The following ZFHX3 variants were observed in gnomAD, a reference collection of about 807,000 sequenced individuals.
ZFHX3 encodes the protein zinc finger homeobox protein 3.
A neutral mutation model predicts 279.1 loss-of-function variants in ZFHX3; 42 were observed. The observed-to-expected ratio is 0.15, with a 90% CI of 0.12 to 0.19. ZFHX3 has a LOEUF of 0.19. Among genes scored for constraint, ZFHX3 ranks in the 10% least tolerant of loss-of-function variants. The pLI, the probability that ZFHX3 is intolerant of heterozygous loss-of-function variation, is 1.00. For synonymous variants in ZFHX3, 2,293 were observed against 1,957.8 expected (o/e 1.17, Z -4.52); for missense variants, 4,981 against 4,754.0 (o/e 1.05, Z -1.40).
chr16:73,088,014 G>A (rs1966028724), intron 8 of ZFHX3, among the ~76,000 whole-genome samples: 1 of 152,140 alleles, frequency 6.6e-6, no homozygotes, highest in Non-Finnish European at 1.5e-5. Context: ...TTTTAGTAGA[G>A]ATGGGGTTTC....
At chr16:73,676,454 T>C (rs1025157947) in intron 2 of ZFHX3, among the ~76,000 whole-genome samples, 1 of 151,878 alleles carries the variant, frequency 6.6e-6, no homozygotes, top group Non-Finnish European at 1.5e-5. Flanking sequence ...GATTAAATAA[T>C]GGTTTTGAGA....
At chr16:73,229,684 G>A (rs1435092455) in intron 5 of ZFHX3, among the ~76,000 whole-genome samples, 1 of 152,112 alleles carries the variant, frequency 6.6e-6, no homozygotes, top group Non-Finnish European at 1.5e-5. Context: ...ATTCAGTAAG[G>A]AAAATATCGC....
chr16:73,465,048 G>A (rs2018540164), intron 2 of ZFHX3, among the ~76,000 whole-genome samples: 1 of 152,182 alleles, frequency 6.6e-6, no homozygotes, highest in South Asian at 2.1e-4. Context: ...TTAGATGAGA[G>A]GACCCGGCAC....
intron 1 of ZFHX3, among the ~76,000 whole-genome samples, chr16:73,030,046 A>G (rs1048587533): frequency 6.6e-6 from 1 of 152,198 alleles, no homozygotes; most frequent in Non-Finnish European, 1.5e-5. Flanking sequence ...ATAACCCAAC[A>G]TCTAATCCAA....
chr16:73,338,109 T>C (rs2015953246), intron 3 of ZFHX3, among the ~76,000 whole-genome samples: 1 of 152,170 alleles, frequency 6.6e-6, no homozygotes, highest in Admixed American at 6.5e-5. Context: ...TGTTTCCTAA[T>C]CTGCAGATGA....
chr16:73,300,694 G>C (rs941397769), intron 4 of ZFHX3, among the ~76,000 whole-genome samples: 1 of 152,234 alleles, frequency 6.6e-6, no homozygotes, highest in Admixed American at 6.5e-5. Flanking sequence ...AGTAGAGACG[G>C]AGTTTTGCCA....
intron 3 of ZFHX3, among the ~76,000 whole-genome samples, chr16:72,913,110 G>A (rs2144196013): frequency 6.6e-6 from 1 of 152,308 alleles, no homozygotes; most frequent in South Asian, 2.1e-4. Context: ...TTATAGAAGA[G>A]TTGTAAAGAT....
chr16:73,673,842 G>A (rs1197918265), intron 2 of ZFHX3, among the ~76,000 whole-genome samples: 1 of 152,050 alleles, frequency 6.6e-6, no homozygotes, highest in Non-Finnish European at 1.5e-5. Flanking sequence ...TGAAAACTAG[G>A]AATTGATCTA....
At chr16:73,333,220 CATAA>C (rs1211314919) in intron 3 of ZFHX3, among the ~76,000 whole-genome samples, 3 of 151,876 alleles carry the variant, frequency 2.0e-5, no homozygotes, top group Non-Finnish European at 4.4e-5. Flanking sequence ...CACACAGATA[CATAA>C]ATAGAAAGAT....
chr16:72,882,145 G>A (rs1163476935), intron 4 of ZFHX3, among the ~76,000 whole-genome samples: 1 of 149,090 alleles, frequency 6.7e-6, no homozygotes, highest in Non-Finnish European at 1.5e-5. Context: ...CCTAATTCCA[G>A]GAACCATCAG....
At chr16:73,312,871 T>C (rs1010029812) in intron 4 of ZFHX3, among the ~76,000 whole-genome samples, 1 of 152,256 alleles carries the variant, frequency 6.6e-6, no homozygotes, top group African/African-American at 2.4e-5. Flanking sequence ...ATGCGTACTA[T>C]GCATCAGAGT....
rs182991720 is a variant in ZFHX3, at chr16:73,147,793, C to A, written c.-1103-3962G>T. 1.3e-4 allele frequency among the ~76,000 whole-genome samples: 19 copies of A among 151,826 alleles called. No individual in the cohort carries two copies. In the East Asian group the frequency reaches 3.7e-3, roughly 29 times the overall value. ...GCCGAGGTGGGCAAACCACTTAAGC[C>A]CCCAGGAGTTCCAGGCTGCAGTGAG... On this transcript the variant is annotated intron_variant, in intron 5 of 17. Coordinates refer to the ZFHX3 transcript ENST00000641206.
intron 1 of ZFHX3, among the ~76,000 whole-genome samples, chr16:73,810,097 G>A (rs1009916601): frequency 6.6e-6 from 1 of 152,076 alleles, no homozygotes; most frequent in Non-Finnish European, 1.5e-5. Context: ...TATATATGAG[G>A]CTTAATATTC....
At chr16:72,807,558 AT>A (rs1227264510) in intron 7 of ZFHX3, 12 of 152,226 alleles carry the variant, frequency 7.9e-5, no homozygotes, top group African/African-American at 2.7e-4. Flanking sequence ...ATAAGGTATT[AT>A]TAAATGAAGC....
intron 2 of ZFHX3, among the ~76,000 whole-genome samples, chr16:73,470,502 T>G (rs1037990231): frequency 7.2e-5 from 11 of 152,226 alleles, no homozygotes; most frequent in African/African-American, 2.7e-4. Flanking sequence ...TAATGCTTAG[T>G]GCTAATGAGT....
At chr16:73,361,288 C>T (rs193165597) in intron 3 of ZFHX3, among the ~76,000 whole-genome samples, 123 of 152,366 alleles carry the variant, frequency 8.1e-4, no homozygotes, top group African/African-American at 2.8e-3. Flanking sequence ...CGGTGGCAAG[C>T]TCAAAGCAAG....
At chr16:73,508,724 A>G (rs894659577) in intron 2 of ZFHX3, among the ~76,000 whole-genome samples, 3 of 152,232 alleles carry the variant, frequency 2.0e-5, no homozygotes, top group African/African-American at 7.2e-5. Context: ...GAGCAGATGC[A>G]GTGGTATATA....
chr16:72,885,128 G>A (rs1300399555), intron 4 of ZFHX3, among the ~76,000 whole-genome samples: 1 of 152,256 alleles, frequency 6.6e-6, no homozygotes, highest in Non-Finnish European at 1.5e-5. Flanking sequence ...TGTGGGGTAG[G>A]GGTGGAAAAG....
chr16:73,751,383 A>T (rs1042919285), intron 1 of ZFHX3, among the ~76,000 whole-genome samples: 1 of 152,210 alleles, frequency 6.6e-6, no homozygotes. Flanking sequence ...GAAAAGTATT[A>T]CAGGGTTTTA....
Sources: allele counts gnomAD v4.1 joint callset (sites outside exome capture counted in the v4.1 genomes callset), GRCh38; gene constraint gnomAD v4.1.1; transcripts MANE v1.5; gene names NCBI Gene and HGNC (gene_info 2026-07-23, HGNC 2026-07-21).